MYO1D: variants seen among roughly 807,000 people sequenced by gnomAD.
MYO1D encodes myosin ID, also known as unconventional myosin-Id.
A neutral mutation model predicts 122.0 loss-of-function variants in MYO1D; 83 were observed. That is an observed-to-expected ratio of 0.68 (90% CI 0.57 to 0.82). MYO1D has a LOEUF of 0.82. Ranked by LOEUF, MYO1D falls within the 40% of genes least tolerant of loss-of-function variation. The pLI, the probability that MYO1D is intolerant of heterozygous loss-of-function variation, is 0.00. For synonymous variants in MYO1D, 464 were observed against 446.9 expected, an observed-to-expected ratio of 1.04 and a Z score of -0.48; for missense variants, 1,157 against 1,269.5, an observed-to-expected ratio of 0.91 and a Z score of 1.35.
Position 32,760,486 on chromosome 17 carries a change from T to C in MYO1D, c.1177A>G (p.Asn393Asp). ...DIYGFEIFDN[N>D]SFEQFCINYC... ...TAAGTATCTTTTCCAGTTTACCTGT[T>C]GTTGTCAAAGATTTCAAAGCCATAG... The change falls in exon 9 of 22, where the codon AAC becomes GAC. Residue 393 changes from asparagine to aspartate, a missense_variant. By Grantham distance (23) the Asn-to-Asp change is conservative. Coordinates refer to ENST00000318217, the MANE Select transcript of MYO1D (RefSeq NM_015194.3). 2 of 1,612,858 alleles carry C rather than the reference T, an allele frequency of 1.2e-6. No individual in the cohort carries two copies. Among genetic ancestry groups the C allele is most frequent in the Non-Finnish European group, 1.7e-6 (2 of 1,179,326 alleles).
chr17:32,822,526 CTCCCCGTTCACTGCCG>C (rs2090678412), intron 1 of MYO1D, among the ~76,000 whole-genome samples: 1 of 151,210 alleles, frequency 6.6e-6, no homozygotes, highest in Non-Finnish European at 1.5e-5. Context: ...TTCCCGCCTC[CTCCCCGTTCACTGCCG>C]GGGCGGCTCG....
rs146322898 is a variant in MYO1D at position 32,506,580 on chromosome 17, C to T, written c.2865-11665G>A. 2.2e-3 allele frequency among the ~76,000 whole-genome samples: 339 copies of T among 152,168 alleles called. 2 individuals are homozygous for T. Among genetic ancestry groups the T allele is most frequent in the African/African-American group, 7.4e-3 (308 of 41,522 alleles). On this transcript the variant is annotated intron_variant, in intron 21 of 21. Coordinates refer to ENST00000318217, the MANE Select transcript of MYO1D (RefSeq NM_015194.3). ...GAACAAAAGTAGCAAAGAAGAAACACGGGAACAAGAAGGCACAAACTAATA... is the reference window on the plus strand; with the variant it reads ...GAACAAAAGTAGCAAAGAAGAAACATGGGAACAAGAAGGCACAAACTAATA...
At position 32,587,263 on chromosome 17, in the gene MYO1D, G is replaced by A. The variant is rs149526431; in HGVS notation, c.2864+17824C>T. Among the ~76,000 whole-genome samples the A allele has an allele frequency of 3.9e-3, 589 of 152,302 alleles. 5 individuals are homozygous for A. Among genetic ancestry groups the A allele is most frequent in the African/African-American group, 0.014 (568 of 41,566 alleles). The stretch of plus-strand genomic sequence containing the variant: ...GCTGTGGCTCACGCCTGTAATTCCA[G>A]CACTTTGGGAAGCTGAGGTGAGCGG... On this transcript the variant is annotated intron_variant, in intron 21 of 21. Coordinates refer to ENST00000318217, the MANE Select transcript of MYO1D (RefSeq NM_015194.3).
At chr17:32,876,263 T>A (rs1195480299) in intron 1 of MYO1D, among the ~76,000 whole-genome samples, 1 of 151,346 alleles carries the variant, frequency 6.6e-6, no homozygotes, top group Non-Finnish European at 1.5e-5. Flanking sequence ...AGGATGGAAC[T>A]ACGCCAGGAG....
At chr17:32,750,658 T>A (rs1325496190) in intron 11 of MYO1D, among the ~76,000 whole-genome samples, 1 of 152,100 alleles carries the variant, frequency 6.6e-6, no homozygotes, top group Non-Finnish European at 1.5e-5. Context: ...TAGGGAAATA[T>A]ACAAAAACCA....
At chr17:32,572,617 A>T (rs1410843097) in intron 21 of MYO1D, among the ~76,000 whole-genome samples, 1 of 152,014 alleles carries the variant, frequency 6.6e-6, no homozygotes, top group Non-Finnish European at 1.5e-5. Flanking sequence ...TGCTAAAAAA[A>T]CCTCTTATTA....
chr17:32,626,855 G>A lies in MYO1D; in HGVS notation c.2709+11867C>T, dbSNP rs181242383. Among the ~76,000 whole-genome samples, 37 of 152,206 alleles carry A rather than the reference G, an allele frequency of 2.4e-4. No individual in the cohort carries two copies. In the East Asian group the frequency reaches 7.0e-3, roughly 29 times the overall value. On this transcript the variant is annotated intron_variant, in intron 20 of 21. Transcript: ENST00000318217. ...ACATTTCTTAGAAGTATTTTAAAACGACGTGGCTCACTCAAATCCAATAAT... is the reference window on the plus strand; with the variant it reads ...ACATTTCTTAGAAGTATTTTAAAACAACGTGGCTCACTCAAATCCAATAAT...
At chr17:32,572,265 A>G (rs2087238038) in intron 21 of MYO1D, among the ~76,000 whole-genome samples, 1 of 151,814 alleles carries the variant, frequency 6.6e-6, no homozygotes, top group African/African-American at 2.4e-5. Flanking sequence ...ATACTTCTAC[A>G]CCAGAGGCTG....
At chr17:32,787,319 C>G (rs922958362) in intron 1 of MYO1D, among the ~76,000 whole-genome samples, 1 of 151,958 alleles carries the variant, frequency 6.6e-6, no homozygotes, top group African/African-American at 2.4e-5. Context: ...TTTTGTGGAA[C>G]AGGTGGGTTT....
Position 32,731,153 on chromosome 17 carries a change from C to T in MYO1D, c.1746+7100G>A, listed in dbSNP as rs183106729. ...TGATCTCCTGACCTTGTGATCTGCT[C>T]GCCTCGGCCTCCCAAAGTGCTGGGA... is the stretch of plus-strand genomic sequence containing the variant. On this transcript the variant is annotated intron_variant, in intron 14 of 21. Transcript: ENST00000318217. Among the ~76,000 whole-genome samples the T allele has an allele frequency of 1.7e-3, 258 of 152,252 alleles. 1 individual carries two copies. The highest frequency in any genetic ancestry group is 0.01 in the Middle Eastern group (3 of 294).
Position 32,580,408 on chromosome 17 carries a change from ATTT to A in MYO1D, c.2864+24676_2864+24678del, listed in dbSNP as rs570107348. ...TTTTTTCAGTTTGTTTATCTGGTGA[ATTT>A]TTTTTTTTTTTTTTTTGAGTCAGAG... On this transcript the variant is annotated intron_variant, in intron 21 of 21. Coordinates refer to ENST00000318217, the MANE Select transcript of MYO1D (RefSeq NM_015194.3). 3.5e-3 allele frequency among the ~76,000 whole-genome samples: 258 copies of A among 74,780 alleles called. 1 individual carries two copies. The highest frequency in any genetic ancestry group is 4.5e-3 in the Non-Finnish European group (190 of 41,784). 49.1% of individuals were successfully genotyped at this position (74,780 alleles called of 152,430 possible).
chr17:32,612,032 G>A (rs1408053908), intron 20 of MYO1D, among the ~76,000 whole-genome samples: 2 of 152,088 alleles, frequency 1.3e-5, no homozygotes, highest in Non-Finnish European at 2.9e-5. Flanking sequence ...TGCAGCAACA[G>A]AAAAAAGAAT....
chr17:32,765,114 G>A (rs1279833827), intron 7 of MYO1D, 33 bp from the exon 8 acceptor site: 1 of 1,526,860 alleles, frequency 6.5e-7, no homozygotes, highest in South Asian at 1.1e-5. Context: ...AACACATTAT[G>A]AAACATTATG....
chr17:32,859,291 AC>A (rs1442356746), intron 1 of MYO1D, among the ~76,000 whole-genome samples: 1 of 152,018 alleles, frequency 6.6e-6, no homozygotes, highest in African/African-American at 2.4e-5. Context: ...GAGAAACCTG[AC>A]TCCATTATCC....
At chr17:32,550,405 A>T (rs897151385) in intron 21 of MYO1D, among the ~76,000 whole-genome samples, 1 of 152,152 alleles carries the variant, frequency 6.6e-6, no homozygotes, top group East Asian at 1.9e-4. Context: ...GCTTTGTTAC[A>T]AGAAATATGC....
chr17:32,714,785 C>A (rs2089421978), intron 15 of MYO1D, among the ~76,000 whole-genome samples: 1 of 152,048 alleles, frequency 6.6e-6, no homozygotes, highest in African/African-American at 2.4e-5. Context: ...GATGAAATCA[C>A]CAAAAGTAAT....
At chr17:32,760,825 T>C (rs1436802107) in intron 8 of MYO1D, among the ~76,000 whole-genome samples, 198 bp from the exon 9 acceptor site, 1 of 152,060 alleles carries the variant, frequency 6.6e-6, no homozygotes, top group African/African-American at 2.4e-5. Flanking sequence ...CTAAAGTAAA[T>C]AGCTTGTATT....
chr17:32,653,701 G>T, intron 19 of MYO1D, 142 bp downstream of exon 19: 1 of 600,466 alleles, frequency 1.7e-6, no homozygotes, highest in Admixed American at 3.4e-5. Flanking sequence ...TTCCTACAAT[G>T]CCTCAGCACA....
At chr17:32,646,455 AT>A (rs1227425323) in intron 19 of MYO1D, among the ~76,000 whole-genome samples, 1 of 151,996 alleles carries the variant, frequency 6.6e-6, no homozygotes, top group Non-Finnish European at 1.5e-5. Context: ...GTAAAAATAT[AT>A]ATATATATAA....
Sources: gnomAD v4.1 joint callset for allele counts (sites outside exome capture counted in the v4.1 genomes callset) on GRCh38, gnomAD v4.1.1 for gene constraint, MANE v1.5 for transcripts, NCBI Gene and HGNC (gene_info 2026-07-23, HGNC 2026-07-21) for gene names.